Variants in CNTNAP5 observed in about 807,000 individuals in gnomAD.
The protein encoded by CNTNAP5 is contactin-associated protein-like 5.
Under a neutral mutation model 150.2 loss-of-function variants are expected in CNTNAP5, and 72 were observed. That is an observed-to-expected ratio of 0.48 (90% CI 0.40 to 0.58). The LOEUF (loss-of-function observed/expected upper bound fraction) is 0.58. CNTNAP5 is among the 20% of genes least tolerant of loss of function. CNTNAP5 has a pLI of 0.00. For synonymous variants in CNTNAP5, 672 were observed against 619.8 expected, an observed-to-expected ratio of 1.08 and a Z score of -1.25; for missense variants, 1,636 against 1,626.2, an observed-to-expected ratio of 1.01 and a Z score of -0.10.
At chr2:124,127,560 T>C (rs1463668205) in intron 1 of CNTNAP5, among the ~76,000 whole-genome samples, 14 of 152,158 alleles carry the variant, frequency 9.2e-5, no homozygotes, top group Admixed American at 9.2e-4. Context: ...AAAAAACTAC[T>C]TTAAAGTTCA....
chr2:124,500,364 A>C (rs1028327722), intron 7 of CNTNAP5, among the ~76,000 whole-genome samples: 3 of 152,154 alleles, frequency 2.0e-5, no homozygotes, highest in Non-Finnish European at 2.9e-5. Flanking sequence ...AGTAGCAGGA[A>C]AGATTGGGCT....
At chr2:124,026,896 A>G (rs542303927) in intron 1 of CNTNAP5, among the ~76,000 whole-genome samples, 32 of 152,346 alleles carry the variant, frequency 2.1e-4, no homozygotes, top group African/African-American at 7.5e-4. Flanking sequence ...CTGTGCATTT[A>G]TCCCCGGAGT....
intron 7 of CNTNAP5, among the ~76,000 whole-genome samples, chr2:124,477,484 A>G (rs915380620): frequency 3.3e-5 from 5 of 152,026 alleles, no homozygotes; most frequent in Admixed American, 2.6e-4. Flanking sequence ...CGGTTTGGAA[A>G]AGTTAGGATG....
chr2:124,319,258 G>A (rs1333883000), intron 3 of CNTNAP5, among the ~76,000 whole-genome samples: 1 of 152,120 alleles, frequency 6.6e-6, no homozygotes, highest in East Asian at 1.9e-4. Context: ...AAAGCAGATG[G>A]CAGTTCTTCA....
intron 5 of CNTNAP5, among the ~76,000 whole-genome samples, chr2:124,442,129 A>C (rs954565254): frequency 9.9e-5 from 15 of 152,138 alleles, no homozygotes; most frequent in African/African-American, 3.6e-4. Flanking sequence ...TGAGAGTGGC[A>C]AACTTTCTGA....
intron 17 of CNTNAP5, among the ~76,000 whole-genome samples, chr2:124,785,409 G>T (rs1681546450): frequency 6.6e-6 from 1 of 152,148 alleles, no homozygotes; most frequent in Non-Finnish European, 1.5e-5. Context: ...AGTATTTTTT[G>T]TGTTTTAAAA....
chr2:124,704,772 A>G (rs977462887), intron 13 of CNTNAP5, among the ~76,000 whole-genome samples: 1 of 150,736 alleles, frequency 6.6e-6, no homozygotes, highest in African/African-American at 2.4e-5. Context: ...CCCAACTTCT[A>G]CCACCTCACC....
intron 6 of CNTNAP5, among the ~76,000 whole-genome samples, chr2:124,453,319 T>C (rs978178377): frequency 6.6e-6 from 1 of 151,444 alleles, no homozygotes; most frequent in Non-Finnish European, 1.5e-5. Context: ...ATAAACCCAA[T>C]CCAACAAAGG....
intron 4 of CNTNAP5, among the ~76,000 whole-genome samples, chr2:124,427,915 A>G (rs80236548): frequency 0.036 from 5,437 of 152,156 alleles, 134 homozygotes; most frequent in Middle Eastern, 0.051. Flanking sequence ...GCTCCTTAAC[A>G]CACCACTTGC....
chr2:124,502,950 T>G (rs773770591), intron 7 of CNTNAP5, among the ~76,000 whole-genome samples: 2 of 152,190 alleles, frequency 1.3e-5, no homozygotes, highest in East Asian at 1.9e-4. Flanking sequence ...GTGCACCCTT[T>G]AAATGAAGAA....
At chr2:124,452,849 C>A (rs764625199) in intron 6 of CNTNAP5, among the ~76,000 whole-genome samples, 2 of 152,112 alleles carry the variant, frequency 1.3e-5, no homozygotes, top group Non-Finnish European at 2.9e-5. Context: ...CAAGGAAACA[C>A]CCAGTGGGAC....
chr2:124,393,916 C>A (rs974999363), intron 3 of CNTNAP5, among the ~76,000 whole-genome samples: 1 of 152,290 alleles, frequency 6.6e-6, no homozygotes, highest in African/African-American at 2.4e-5. Context: ...ACACTGTCAG[C>A]TTTAAGCTAG....
chr2:124,294,615 C>A (rs563613886), intron 3 of CNTNAP5, among the ~76,000 whole-genome samples: 1 of 152,210 alleles, frequency 6.6e-6, no homozygotes, highest in African/African-American at 2.4e-5. Flanking sequence ...GAGATGGGTA[C>A]AAGAAGGGAA....
At chr2:124,053,747 CT>C (rs1293170463) in intron 1 of CNTNAP5, among the ~76,000 whole-genome samples, 1 of 152,204 alleles carries the variant, frequency 6.6e-6, no homozygotes, top group African/African-American at 2.4e-5. Flanking sequence ...CTCAGTGTTA[CT>C]CTGCTATGCA....
intron 2 of CNTNAP5, 124 bp downstream of exon 2, chr2:124,221,933 A>G (rs1686331807): frequency 3.1e-6 from 2 of 649,654 alleles, no homozygotes; most frequent in Admixed American, 2.4e-5. Flanking sequence ...GAAAATATTT[A>G]CGAGGAGAGG....
At chr2:124,251,292 AC>A (rs71394030) in intron 3 of CNTNAP5, among the ~76,000 whole-genome samples, 4 of 150,200 alleles carry the variant, frequency 2.7e-5, no homozygotes, top group Non-Finnish European at 5.9e-5. Context: ...GTTTTCCCCC[AC>A]CCCCCCAAGT....
At chr2:124,453,837 G>T (rs1383858242) in intron 6 of CNTNAP5, among the ~76,000 whole-genome samples, 1 of 152,008 alleles carries the variant, frequency 6.6e-6, no homozygotes, top group Admixed American at 6.5e-5. Flanking sequence ...AATGCTGAGA[G>T]AATTTGCCAC....
chr2:124,488,282 C>T (rs2421082), intron 7 of CNTNAP5, among the ~76,000 whole-genome samples: 31,279 of 152,018 alleles, frequency 0.21, 3,581 homozygotes, highest in East Asian at 0.34. Context: ...ATGAAAATAA[C>T]GTGTTGATCA....
At chr2:124,662,347 A>C (rs2105046524) in intron 13 of CNTNAP5, among the ~76,000 whole-genome samples, 1 of 152,300 alleles carries the variant, frequency 6.6e-6, no homozygotes, top group South Asian at 2.1e-4. Context: ...TATACCCAAT[A>C]ATAGGGTTGT....
Sources: allele counts gnomAD v4.1 joint callset (sites outside exome capture counted in the v4.1 genomes callset), GRCh38; gene constraint gnomAD v4.1.1; transcripts MANE v1.5; gene names NCBI Gene and HGNC (gene_info 2026-07-23, HGNC 2026-07-21).